Variants in RORC observed in about 807,000 individuals in gnomAD.
The protein encoded by RORC is nuclear receptor ROR-gamma.
In RORC, 13 loss-of-function variants were observed where a neutral mutation model predicts 64.5. The ratio of observed to expected loss-of-function variants is 0.20; its 90% CI spans 0.13 to 0.32. The LOEUF (loss-of-function observed/expected upper bound fraction) is 0.32. Among genes scored for constraint, RORC ranks in the 10% least tolerant of loss-of-function variants. RORC has a pLI of 1.00. For missense variants in RORC, 468 were observed against 669.5 expected (o/e 0.70, Z 3.32); for synonymous variants, 277 against 259.3 (o/e 1.07, Z -0.65).
At chr1:151,814,468 T>A (rs982677682) in intron 6 of RORC, 106 bp downstream of exon 6, 2 of 1,243,166 alleles carry the variant, frequency 1.6e-6, no homozygotes, top group African/African-American at 3.0e-5. Flanking sequence ...CCTGTGTCTG[T>A]GATGTCCCGC....
intron 2 of RORC, among the ~76,000 whole-genome samples, chr1:151,829,004 C>T (rs1652301016): frequency 6.7e-6 from 1 of 150,050 alleles, no homozygotes; most frequent in African/African-American, 2.4e-5. Flanking sequence ...AAGCCTGGTG[C>T]AGGCTCCCTG....
chr1:151,809,938 T>G (rs1413263716), intron 10 of RORC, among the ~76,000 whole-genome samples: 1 of 151,848 alleles, frequency 6.6e-6, no homozygotes, highest in Non-Finnish European at 1.5e-5. Flanking sequence ...AACGCTTATA[T>G]GGCATTGAAA....
At chr1:151,817,145 C>A (rs1572039809) in intron 3 of RORC, 50 bp downstream of exon 3, 1 of 1,204,730 alleles carries the variant, frequency 8.3e-7, no homozygotes, top group Non-Finnish European at 1.2e-6. Context: ...CGCGCGCGCG[C>A]TTGTGTATGC....
rs1381991610 is a variant in RORC, at chr1:151,814,910, C to T, written c.811+3G>A. ...CACCCTCTCCACCTCCCCAGCTGCT[C>T]ACCTATCTCTGTCAGGGAGGCATAG... is the stretch of plus-strand genomic sequence containing the variant. On this transcript the variant is annotated splice_donor_region_variant and intron_variant, in intron 5 of 10. Coordinates refer to ENST00000318247, the MANE Select transcript of RORC (RefSeq NM_005060.4). The T allele has an allele frequency of 1.1e-5, 17 of 1,610,388 alleles. No individual in the cohort carries two copies. Among genetic ancestry groups the T allele is most frequent in the Non-Finnish European group, 1.4e-5 (16 of 1,177,490 alleles).
chr1:151,815,479 G>A (rs1651723020), intron 4 of RORC, 54 bp from the exon 5 acceptor site: 3 of 1,505,566 alleles, frequency 2.0e-6, no homozygotes, highest in African/African-American at 1.4e-5. Flanking sequence ...ATGGCACAGG[G>A]CAGGGTCAGG....
chr1:151,829,137 T>C (rs1440901919), intron 2 of RORC, among the ~76,000 whole-genome samples: 1 of 107,248 alleles, frequency 9.3e-6, no homozygotes, highest in Non-Finnish European at 1.8e-5. Flanking sequence ...CCCATCTCCC[T>C]GCCTCTGTCC....
intron 2 of RORC, among the ~76,000 whole-genome samples, chr1:151,828,214 T>C (rs1652272584): frequency 6.6e-6 from 1 of 152,152 alleles, no homozygotes; most frequent in Non-Finnish European, 1.5e-5. Context: ...ATTTTGGCAT[T>C]GGGCGAGATG....
At chr1:151,826,003 G>A (rs1652181308) in intron 2 of RORC, 1 of 1,606,970 alleles carries the variant, frequency 6.2e-7, no homozygotes, top group Admixed American at 1.7e-5. Flanking sequence ...CCAGGAGTGG[G>A]GTGCAGCTGG....
chr1:151,827,551 T>TG (rs1652242960), intron 2 of RORC, among the ~76,000 whole-genome samples: 1 of 152,088 alleles, frequency 6.6e-6, no homozygotes, highest in Admixed American at 6.5e-5. Flanking sequence ...ACCCCCATCT[T>TG]GGGGTTGTCT....
In RORC at chr1:151,809,529, G is replaced by T. The variant is rs372507400; in HGVS notation, c.1395+1796C>A. ...GTGTGGTTGCTACAGGGCAGATGAG[G>T]GTGGAACAGGGGCTCAGTTAGGAGG... On this transcript the variant is annotated intron_variant, in intron 10 of 10. Transcript: ENST00000318247. Among the ~76,000 whole-genome samples, 13 of 152,320 alleles carry T rather than the reference G, an allele frequency of 8.5e-5. No homozygotes were observed. The East Asian group carries it at 1.7e-3, about 20-fold the overall frequency.
At chr1:151,825,082 A>C (rs1482851980) in intron 2 of RORC, among the ~76,000 whole-genome samples, 1 of 152,056 alleles carries the variant, frequency 6.6e-6, no homozygotes, top group East Asian at 1.9e-4. Flanking sequence ...GGACTTCCTG[A>C]GGTTGCCCAC....
At chr1:151,815,564 A>AG in intron 4 of RORC, 139 bp from the exon 5 acceptor site, 1 of 1,163,218 alleles carries the variant, frequency 8.6e-7, no homozygotes, top group Non-Finnish European at 1.2e-6. Context: ...TCTAGCCTTT[A>AG]GGGAACTTAT....
chr1:151,815,228 G>C lies in RORC; in HGVS notation c.496C>G (p.Leu166Val). 6.2e-7 allele frequency: 1 copy of C among 1,613,034 alleles called. No homozygotes were observed. Among genetic ancestry groups the C allele is most frequent in the South Asian group, 1.1e-5 (1 of 91,008 alleles). The change falls in exon 5 of 11, where the codon CTG becomes GTG. Residue 166 changes from leucine (L) to valine (V), a missense_variant. By Grantham distance (32) the Leu-to-Val change is conservative. Around this residue, in one of 5 missense-constraint regions of RORC, gnomAD observed 241 missense variants for 295.5 expected, o/e 0.82. Transcript: ENST00000318247. ...GGGGGACAGGCAGAAGCCTCAGGCA[G>C]GTCAGGCGAGGAGCCCAGGGGCAGC... ...GQLPLGSSPD[L>V]PEASACPPGL...
intron 9 of RORC, chr1:151,811,972 T>A (rs1572035497): frequency 6.6e-6 from 1 of 152,316 alleles, no homozygotes; most frequent in East Asian, 1.9e-4. Flanking sequence ...ACTGATAGTC[T>A]CGATCTGCAA....
chr1:151,829,484 C>T (rs112661177), intron 1 of RORC, 26 bp from the exon 2 acceptor site: 79 of 1,512,070 alleles, frequency 5.2e-5, no homozygotes, highest in East Asian at 5.1e-4. Context: ...AGGGGGTTGA[C>T]GTCAAAGGTT....
rs201408767 is a variant in RORC at position 151,807,121 on chromosome 1, C to T, written c.*351G>A. ...TCTGAATGAATTGCATTCTATTCATCCAGGGAGCCCTGGATGCCCCTGTTT... is the reference window on the plus strand; with the variant it reads ...TCTGAATGAATTGCATTCTATTCATTCAGGGAGCCCTGGATGCCCCTGTTT... On this transcript the variant is annotated 3_prime_UTR_variant, in exon 11 of 11. Transcript: ENST00000318247. The surrounding 1 kb of genome is among the most constrained non-coding windows in gnomAD (Gnocchi z 5.0). The T allele has an allele frequency of 4.7e-6, 1 of 214,212 alleles. No individual in the cohort carries two copies. Among genetic ancestry groups the T allele is most frequent in the East Asian group, 1.0e-4 (1 of 9,660 alleles). The allele number at this position is 214,212 out of a possible 1,614,324, so 13.3% of individuals were successfully genotyped here.
At chr1:151,817,977 C>CT (rs1249080192) in intron 2 of RORC, among the ~76,000 whole-genome samples, 1 of 152,236 alleles carries the variant, frequency 6.6e-6, no homozygotes, top group Admixed American at 6.5e-5. Flanking sequence ...ATCCGTGTGT[C>CT]TGAGTGTGAA....
chr1:151,817,624 G>A (rs1380186967), intron 2 of RORC, among the ~76,000 whole-genome samples: 1 of 152,206 alleles, frequency 6.6e-6, no homozygotes, highest in Non-Finnish European at 1.5e-5. Context: ...TTGGGACATA[G>A]GACTCCTCAC....
At chr1:151,829,011 C>T (rs1572048785) in intron 2 of RORC, among the ~76,000 whole-genome samples, 1 of 151,696 alleles carries the variant, frequency 6.6e-6, no homozygotes, top group Admixed American at 6.6e-5. Flanking sequence ...GTGCAGGCTC[C>T]CTGTCTCCCT....
Sources: allele counts gnomAD v4.1 joint callset (sites outside exome capture counted in the v4.1 genomes callset), GRCh38; gene constraint gnomAD v4.1.1; regional missense constraint gnomAD v4.1.1; non-coding constraint Gnocchi (gnomAD v3.1); transcripts MANE v1.5; gene names NCBI Gene and HGNC (gene_info 2026-07-23, HGNC 2026-07-21).